The following DPYD variants were observed in gnomAD, a reference collection of about 807,000 sequenced individuals.
The protein encoded by DPYD is dihydropyrimidine dehydrogenase.
DPYD carries 109 observed loss-of-function variants against 116.2 expected under a neutral mutation model. The observed-to-expected ratio is 0.94, with a 90% confidence interval of 0.80 to 1.10. DPYD has a LOEUF of 1.10. Among genes scored for constraint, DPYD ranks in the 50% least tolerant of loss-of-function variants. The pLI is 0.00. For synonymous variants in DPYD, 440 were observed against 432.0 expected, an observed-to-expected ratio of 1.02 and a Z score of -0.23; for missense variants, 1,302 against 1,254.5, an observed-to-expected ratio of 1.04 and a Z score of -0.57.
intron 21 of DPYD, among the ~76,000 whole-genome samples, chr1:97,092,031 A>AT (rs1649928110): frequency 6.6e-6 from 1 of 151,822 alleles, no homozygotes; most frequent in African/African-American, 2.4e-5. Context: ...TCATTCCCTC[A>AT]CTTTTTTAGG....
At chr1:97,629,557 T>C (rs1231589694) in intron 8 of DPYD, among the ~76,000 whole-genome samples, 2 of 151,972 alleles carry the variant, frequency 1.3e-5, no homozygotes, top group African/African-American at 2.4e-5. Flanking sequence ...TAGTTAGATA[T>C]AGCCATATTT....
intron 19 of DPYD, among the ~76,000 whole-genome samples, chr1:97,222,042 G>A (rs1451898354): frequency 6.6e-6 from 1 of 151,958 alleles, no homozygotes; most frequent in Admixed American, 6.6e-5. Flanking sequence ...ATAGAGGAAA[G>A]GAACAAAGAT....
chr1:97,280,771 G>A (rs1665270779), intron 18 of DPYD, among the ~76,000 whole-genome samples: 1 of 152,106 alleles, frequency 6.6e-6, no homozygotes, highest in South Asian at 2.1e-4. Context: ...GGATAGGTTA[G>A]TCAATGAATA....
At chr1:97,862,524 A>G (rs942407368) in intron 2 of DPYD, among the ~76,000 whole-genome samples, 2 of 151,574 alleles carry the variant, frequency 1.3e-5, no homozygotes, top group Admixed American at 1.3e-4. Context: ...CCAGTCAACA[A>G]CTCTTACTTC....
chr1:97,879,775 G>T (rs141806312), intron 2 of DPYD, among the ~76,000 whole-genome samples: 1 of 151,844 alleles, frequency 6.6e-6, no homozygotes, highest in East Asian at 1.9e-4. Flanking sequence ...AACAAAATTT[G>T]TATCTATTTT....
chr1:97,553,784 G>T (rs1404379656), intron 11 of DPYD, among the ~76,000 whole-genome samples: 1 of 151,932 alleles, frequency 6.6e-6, no homozygotes, highest in Non-Finnish European at 1.5e-5. Context: ...CTCCATAGTT[G>T]AACAGAAAAA....
At chr1:97,864,704 T>A (rs1671285815) in intron 2 of DPYD, among the ~76,000 whole-genome samples, 1 of 151,826 alleles carries the variant, frequency 6.6e-6, no homozygotes. Context: ...AAGGAAGGTA[T>A]CCACAGTGCC....
intron 8 of DPYD, among the ~76,000 whole-genome samples, chr1:97,642,884 T>C (rs1339636666): frequency 6.6e-6 from 1 of 150,762 alleles, no homozygotes; most frequent in Non-Finnish European, 1.5e-5. Context: ...AGTATAATAA[T>C]AATAAAATTA....
intron 13 of DPYD, among the ~76,000 whole-genome samples, chr1:97,495,417 A>G (rs1298258209): frequency 6.6e-6 from 1 of 152,152 alleles, no homozygotes; most frequent in Non-Finnish European, 1.5e-5. Context: ...CAAAATGTAA[A>G]TACAGACTTA....
chr1:97,515,503 C>G (rs533068034), intron 13 of DPYD, among the ~76,000 whole-genome samples: 1 of 151,914 alleles, frequency 6.6e-6, no homozygotes, highest in East Asian at 1.9e-4. Context: ...ATATTTATAT[C>G]TTTGTTGCTT....
At chr1:97,830,056 T>C (rs534426318) in intron 2 of DPYD, among the ~76,000 whole-genome samples, 2 of 152,322 alleles carry the variant, frequency 1.3e-5, no homozygotes, top group African/African-American at 2.4e-5. Flanking sequence ...GCTTTATCCA[T>C]GTCCCTTCAA....
At chr1:97,309,339 G>GTA (rs1667352779) in intron 16 of DPYD, among the ~76,000 whole-genome samples, 1 of 150,020 alleles carries the variant, frequency 6.7e-6, no homozygotes, top group Non-Finnish European at 1.5e-5. Context: ...TCTTGTGTGT[G>GTA]TGTGTGTGTG....
intron 7 of DPYD, among the ~76,000 whole-genome samples, chr1:97,685,495 C>A (rs913316618): frequency 2.6e-5 from 4 of 152,056 alleles, no homozygotes; most frequent in Non-Finnish European, 5.9e-5. Flanking sequence ...CTGGCCAGGG[C>A]AATCAGGCAA....
At chr1:97,486,792 G>C (rs1678665620) in intron 13 of DPYD, among the ~76,000 whole-genome samples, 1 of 151,800 alleles carries the variant, frequency 6.6e-6, no homozygotes, top group South Asian at 2.1e-4. Flanking sequence ...TAAAACACTA[G>C]GCTACTGAAA....
chr1:97,249,097 G>A (rs188800923), intron 18 of DPYD, among the ~76,000 whole-genome samples: 47 of 152,180 alleles, frequency 3.1e-4, no homozygotes, highest in Non-Finnish European at 2.2e-4. Flanking sequence ...CTGATAAGCT[G>A]ATTCTTAACA....
intron 5 of DPYD, chr1:97,720,980 T>C: frequency 6.3e-7 from 1 of 1,588,202 alleles, no homozygotes; most frequent in Non-Finnish European, 8.6e-7. Context: ...TATACATTTT[T>C]TACCCAAATA....
chr1:97,560,943 G>C (rs1182162365), intron 11 of DPYD, among the ~76,000 whole-genome samples: 1 of 152,164 alleles, frequency 6.6e-6, no homozygotes, highest in East Asian at 1.9e-4. Flanking sequence ...AGGGTGTTAA[G>C]GATGAGATGC....
At chr1:97,616,576 A>T (rs965189778) in intron 8 of DPYD, among the ~76,000 whole-genome samples, 1 of 152,194 alleles carries the variant, frequency 6.6e-6, no homozygotes, top group Non-Finnish European at 1.5e-5. Flanking sequence ...AAGATTTGCA[A>T]GCATATTAAT....
intron 14 of DPYD, among the ~76,000 whole-genome samples, chr1:97,433,251 T>A (rs1168769607): frequency 6.6e-6 from 1 of 152,152 alleles, no homozygotes; most frequent in Non-Finnish European, 1.5e-5. Context: ...TTGGCTGCCT[T>A]GGCTTTACAT....
Sources: gnomAD v4.1 joint callset for allele counts (sites outside exome capture counted in the v4.1 genomes callset) on GRCh38, gnomAD v4.1.1 for gene constraint, MANE v1.5 for transcripts, NCBI Gene and HGNC (gene_info 2026-07-23, HGNC 2026-07-21) for gene names.